The following IL1RAPL2 variants were observed in gnomAD, a reference collection of about 807,000 sequenced individuals.
The protein encoded by IL1RAPL2 is X-linked interleukin-1 receptor accessory protein-like 2.
IL1RAPL2 carries 3 observed loss-of-function variants against 44.1 expected under a neutral mutation model. That is an observed-to-expected ratio of 0.07 (90% CI 0.03 to 0.18). The LOEUF is 0.18. Ranked by LOEUF, IL1RAPL2 falls within the 10% of genes least tolerant of loss-of-function variation. The pLI is 1.00. For missense variants in IL1RAPL2, 391 were observed against 496.4 expected, an observed-to-expected ratio of 0.79 and a Z score of 2.02; for synonymous variants, 181 against 178.8, an observed-to-expected ratio of 1.01 and a Z score of -0.10.
intron 6 of IL1RAPL2, among the ~76,000 whole-genome samples, chrX:105,515,369 A>G: frequency 8.9e-6 from 1 of 112,174 alleles, no homozygotes; most frequent in Non-Finnish European, 1.9e-5. Flanking sequence ...GATATCTTGA[A>G]TCTCAGGCTG....
chrX:105,012,645 TCACA>T (rs1168286976), intron 2 of IL1RAPL2, among the ~76,000 whole-genome samples: 21 of 48,494 alleles, frequency 4.3e-4, no homozygotes, highest in Non-Finnish European at 5.5e-4. Flanking sequence ...TCTCTCTCTC[TCACA>T]CACACACACA....
chrX:104,676,212 T>TG (rs1248860468), intron 2 of IL1RAPL2, among the ~76,000 whole-genome samples: 1 of 111,858 alleles, frequency 8.9e-6, no homozygotes, highest in African/African-American at 3.3e-5. Context: ...CTTTACATTT[T>TG]GGCATGATTT....
chrX:105,727,224 A>C (rs1290334679), intron 7 of IL1RAPL2, among the ~76,000 whole-genome samples: 1 of 111,351 alleles, frequency 9.0e-6, no homozygotes, highest in Non-Finnish European at 1.9e-5. Context: ...ATAATTATTT[A>C]CCTCAATTAA....
intron 5 of IL1RAPL2, among the ~76,000 whole-genome samples, chrX:105,457,095 G>A (rs909305462): frequency 1.9e-5 from 2 of 106,551 alleles, no homozygotes; most frequent in Non-Finnish European, 1.9e-5. Flanking sequence ...TGCTGAAAGA[G>A]GCTAGAGCAG....
At chrX:105,639,117 T>G (rs756958664) in intron 6 of IL1RAPL2, among the ~76,000 whole-genome samples, 1 of 111,637 alleles carries the variant, frequency 9.0e-6, no homozygotes, top group South Asian at 3.7e-4. Context: ...TATAACCACT[T>G]TGGTATTACA....
intron 5 of IL1RAPL2, among the ~76,000 whole-genome samples, chrX:105,364,451 T>G (rs763338631): frequency 9.0e-6 from 1 of 111,256 alleles, no homozygotes; most frequent in South Asian, 3.7e-4. Context: ...TTTCTATTTT[T>G]GTGAAAAAAT....
intron 2 of IL1RAPL2, among the ~76,000 whole-genome samples, chrX:104,738,855 G>A (rs1008858369): frequency 3.6e-5 from 4 of 111,893 alleles, no homozygotes; most frequent in African/African-American, 1.3e-4. Flanking sequence ...ACAGAGGACC[G>A]CTTCAGCCCT....
chrX:105,069,001 C>G (rs1464261954), intron 2 of IL1RAPL2, among the ~76,000 whole-genome samples: 2 of 112,140 alleles, frequency 1.8e-5, no homozygotes, highest in African/African-American at 3.2e-5. Context: ...TGCTTTTAGC[C>G]AAATTGCTCC....
chrX:105,022,482 G>A (rs1248740417), intron 2 of IL1RAPL2, among the ~76,000 whole-genome samples: 2 of 111,538 alleles, frequency 1.8e-5, no homozygotes, highest in East Asian at 5.7e-4. Context: ...GAATAGTTTG[G>A]TCAAGAACCA....
intron 2 of IL1RAPL2, among the ~76,000 whole-genome samples, chrX:105,060,585 C>CTTTTTTTT (rs1161187469): frequency 7.1e-5 from 5 of 70,146 alleles, no homozygotes; most frequent in African/African-American, 1.8e-4. Flanking sequence ...TTTTCTTTTT[C>CTTTTTTTT]TTTTTTTTTT....
intron 1 of IL1RAPL2, among the ~76,000 whole-genome samples, chrX:104,643,159 C>T (rs1365784523): frequency 9.0e-6 from 1 of 111,498 alleles, no homozygotes; most frequent in Non-Finnish European, 1.9e-5. Context: ...ATAGATGCTA[C>T]CAATGTTGAT....
intron 1 of IL1RAPL2, among the ~76,000 whole-genome samples, chrX:104,643,878 G>A (rs1929983420): frequency 9.0e-6 from 1 of 111,472 alleles, no homozygotes; most frequent in Admixed American, 9.6e-5. Context: ...AAATTACTTA[G>A]CTCACTAAGC....
intron 2 of IL1RAPL2, among the ~76,000 whole-genome samples, chrX:105,186,467 A>G (rs1056488242): frequency 7.2e-5 from 8 of 111,604 alleles, no homozygotes; most frequent in Non-Finnish European, 1.1e-4. Flanking sequence ...AAAGGCCCAC[A>G]GCATAACTGC....
chrX:105,148,942 T>C (rs187739289), intron 2 of IL1RAPL2, among the ~76,000 whole-genome samples: 2 of 111,782 alleles, frequency 1.8e-5, no homozygotes, highest in East Asian at 5.6e-4. Context: ...CAGCAGACAC[T>C]GAATCTACCA....
At chrX:104,678,060 G>A (rs1163020774) in intron 2 of IL1RAPL2, among the ~76,000 whole-genome samples, 3 of 112,589 alleles carry the variant, frequency 2.7e-5, no homozygotes, top group East Asian at 5.6e-4. Flanking sequence ...CATCTTCTGC[G>A]TTGCTCACGC....
At position 105,749,061 on chromosome X, in the gene IL1RAPL2, C is replaced by T. The variant is rs1365830241; in HGVS notation, c.1150C>T (p.Leu384Phe). The change falls in exon 9 of 11, where the codon CTC becomes TTC. Residue 384 changes from leucine to phenylalanine, a missense_variant. By Grantham distance (22) the Leu-to-Phe change is conservative. Coordinates refer to ENST00000372582, the MANE Select transcript of IL1RAPL2 (RefSeq NM_017416.2). ...IYKCYNIELM[L>F]FYRQHFGADE... ...CAAATGCTACAACATTGAATTGATG[C>T]TCTTCTACAGGCAGCACTTTGGAGC... 1.7e-6 allele frequency: 2 copies of T among 1,209,113 alleles called. No homozygotes were observed. Among genetic ancestry groups the T allele is most frequent in the East Asian group, 3.0e-5 (1 of 33,805 alleles).
At chrX:105,301,467 G>A (rs2034697138) in intron 5 of IL1RAPL2, among the ~76,000 whole-genome samples, 1 of 110,936 alleles carries the variant, frequency 9.0e-6, no homozygotes, top group Admixed American at 9.6e-5. Flanking sequence ...CAGTACCCCT[G>A]TTGTGCTGTC....
intron 2 of IL1RAPL2, among the ~76,000 whole-genome samples, chrX:104,816,428 G>A (rs982383086): frequency 2.4e-4 from 27 of 112,211 alleles, no homozygotes; most frequent in African/African-American, 7.1e-4. Flanking sequence ...CACGCAGTGA[G>A]CCCTTCAGAC....
chrX:105,323,269 A>C (rs1391369893), intron 5 of IL1RAPL2, among the ~76,000 whole-genome samples: 2 of 112,217 alleles, frequency 1.8e-5, no homozygotes, highest in Non-Finnish European at 3.8e-5. Context: ...GGTATTTCCA[A>C]ACAGATTTTG....
Sources: allele counts gnomAD v4.1 joint callset (sites outside exome capture counted in the v4.1 genomes callset), GRCh38; gene constraint gnomAD v4.1.1; transcripts MANE v1.5; gene names NCBI Gene and HGNC (gene_info 2026-07-23, HGNC 2026-07-21).